Variants in ADSL observed in about 807,000 individuals in gnomAD.
ADSL encodes the protein adenylosuccinate lyase.
In ADSL, 44 loss-of-function variants were observed where a neutral mutation model predicts 62.1. The ratio of observed to expected loss-of-function variants is 0.71; its 90% CI spans 0.56 to 0.91. The LOEUF (loss-of-function observed/expected upper bound fraction) is 0.91. Ranked by LOEUF, ADSL falls within the 40% of genes least tolerant of loss-of-function variation. The pLI is 0.00. For synonymous variants in ADSL, 198 were observed against 220.5 expected, an observed-to-expected ratio of 0.90 and a Z score of 0.90; for missense variants, 531 against 627.4, an observed-to-expected ratio of 0.85 and a Z score of 1.64.
chr22:40,353,779 C>G (rs2044443038), intron 3 of ADSL: 1 of 269,164 alleles, frequency 3.7e-6, no homozygotes, highest in African/African-American at 2.3e-5. Flanking sequence ...GCACCCGCCA[C>G]TACGCCCAGC....
At chr22:40,354,029 A>G in intron 3 of ADSL, 2 of 601,326 alleles carry the variant, frequency 3.3e-6, no homozygotes, top group Admixed American at 5.8e-5. Context: ...TGGTCTTAAA[A>G]TAGTTCATGA....
chr22:40,359,181 A>T, intron 5 of ADSL, 79 bp from the exon 6 acceptor site: 1 of 1,590,126 alleles, frequency 6.3e-7, no homozygotes, highest in South Asian at 1.1e-5. Context: ...AGGGAGCGAG[A>T]CCTGGGTAGG....
chr22:40,346,910 G>C (rs1219857814), intron 1 of ADSL, among the ~76,000 whole-genome samples, 199 bp downstream of exon 1: 1 of 152,228 alleles, frequency 6.6e-6, no homozygotes, highest in Non-Finnish European at 1.5e-5. Context: ...GTTGCCTCAC[G>C]TGTTCTCAGT....
chr22:40,383,960 G>A (rs73167017), intron 2 of ADSL, among the ~76,000 whole-genome samples: 5,695 of 152,238 alleles, frequency 0.037, 174 homozygotes, highest in Non-Finnish European at 0.055. Context: ...GTAAAAGCAG[G>A]AGCCAAGGCC....
intron 3 of ADSL, 158 bp downstream of exon 3, chr22:40,353,275 TCTTCTTCTCCTTTCTTCTTCTCTTC>T: frequency 1.4e-6 from 1 of 713,986 alleles, no homozygotes; most frequent in Non-Finnish European, 2.6e-6. Flanking sequence ...ACTAATTGTT[TCTTCTTCTCCTTTCTTCTTCTCTTC>T]CTCCTTCTCC....
intron 1 of ADSL, 137 bp from the exon 2 acceptor site, chr22:40,349,695 G>C (rs1452723971): frequency 2.5e-6 from 2 of 808,290 alleles, no homozygotes; most frequent in Non-Finnish European, 4.1e-6. Flanking sequence ...TTTCAACTTG[G>C]TTGCCTCAAA....
Position 40,365,066 on chromosome 22 carries a change from C to T in ADSL, c.1368+10C>T, listed in dbSNP as rs1330219053. 3 of 1,610,470 alleles carry T rather than the reference C, an allele frequency of 1.9e-6. No individual in the cohort carries two copies. The highest frequency in any genetic ancestry group is 2.7e-5 in the African/African-American group (2 of 74,832). On this transcript the variant is annotated intron_variant, in intron 12 of 12. Coordinates refer to ENST00000623063, the MANE Select transcript of ADSL (RefSeq NM_000026.4). ...TCGTGCCTCCCAGCAGGTAAGCTTC[C>T]AAGAAGCCTCTTTTCTGCTGGGCTG...
intron 2 of ADSL, among the ~76,000 whole-genome samples, chr22:40,377,568 G>A (rs570643222): frequency 2.1e-4 from 32 of 152,146 alleles, no homozygotes; most frequent in Non-Finnish European, 3.5e-4. Context: ...TGGTGTCGTG[G>A]CTCACGCCTG....
Position 40,349,905 on chromosome 22 carries a change from T to C in ADSL, c.227T>C (p.Met76Thr). 6.2e-7 allele frequency: 1 copy of C among 1,614,190 alleles called. No homozygotes were observed. The highest frequency in any genetic ancestry group is 8.5e-7 in the Non-Finnish European group (1 of 1,180,030). ...KSNLENIDFKMAAEEEKRLRH... is the reference protein window; with the variant it reads ...KSNLENIDFKTAAEEEKRLRH... ...AACCTGGAGAACATCGACTTCAAGA[T>C]GGCAGCTGAGGAAGAGAAACGTTTA... is the stretch of plus-strand genomic sequence containing the variant. The change falls in exon 2 of 13, where the codon ATG becomes ACG. Residue 76 changes from methionine to threonine, a missense_variant. Around this residue, in one of 2 missense-constraint regions of ADSL, gnomAD observed 471 missense variants for 592.9 expected, o/e 0.79. Coordinates refer to ENST00000623063, the MANE Select transcript of ADSL (RefSeq NM_000026.4).
chr22:40,366,033 C>T (rs1038311793), intron 12 of ADSL, among the ~76,000 whole-genome samples: 11 of 151,898 alleles, frequency 7.2e-5, no homozygotes, highest in South Asian at 6.2e-4. Context: ...GCTACTGCAA[C>T]GGGCCAAGCA....
chr22:40,362,442 A>G (rs1401991349), intron 9 of ADSL, among the ~76,000 whole-genome samples: 1 of 152,216 alleles, frequency 6.6e-6, no homozygotes, highest in Non-Finnish European at 1.5e-5. Context: ...AGACCCTAGC[A>G]ACAGTTTGGA....
intron 2 of ADSL, among the ~76,000 whole-genome samples, chr22:40,375,106 A>G (rs1767047181): frequency 6.6e-6 from 1 of 152,316 alleles, no homozygotes; most frequent in South Asian, 2.1e-4. Context: ...ACAGTTAACT[A>G]TTAACTGTCT....
chr22:40,384,120 C>T (rs148834064), intron 2 of ADSL, among the ~76,000 whole-genome samples: 5 of 152,060 alleles, frequency 3.3e-5, no homozygotes, highest in South Asian at 2.1e-4. Context: ...GGCATGCGCC[C>T]GTAGTCCTAG....
At chr22:40,354,454 A>G (rs1329406558) in intron 4 of ADSL, 127 bp downstream of exon 4, 2 of 822,126 alleles carry the variant, frequency 2.4e-6, no homozygotes, top group Non-Finnish European at 4.3e-6. Flanking sequence ...GTAATTTGGG[A>G]TGCTTATAAG....
intron 2 of ADSL, among the ~76,000 whole-genome samples, chr22:40,385,106 A>C (rs556786729): frequency 2.6e-5 from 4 of 152,246 alleles, no homozygotes; most frequent in Admixed American, 2.6e-4. Flanking sequence ...TCAAGAAACC[A>C]AAGTAAGTCA....
At chr22:40,378,779 T>C (rs893151136) in intron 2 of ADSL, among the ~76,000 whole-genome samples, 6 of 152,078 alleles carry the variant, frequency 3.9e-5, no homozygotes, top group African/African-American at 1.4e-4. Flanking sequence ...TTGTACTGAA[T>C]GAACTGTAAA....
chr22:40,364,260 G>GT lies in ADSL; in HGVS notation c.1102-15dup, dbSNP rs1413779867. On this transcript the variant is annotated splice_polypyrimidine_tract_variant and intron_variant, in intron 10 of 12. Coordinates refer to ENST00000623063, the MANE Select transcript of ADSL (RefSeq NM_000026.4). ...GAGGCACCTTTCTTGGTCATTCACCGTATCTTTTCCTATAGGTAATTGAAC... is the reference window on the plus strand; with the variant it reads ...GAGGCACCTTTCTTGGTCATTCACCGTTATCTTTTCCTATAGGTAATTGAAC... The GT allele has an allele frequency of 8.7e-6, 14 of 1,611,326 alleles. No individual in the cohort carries two copies. Among genetic ancestry groups the GT allele is most frequent in the Non-Finnish European group, 1.1e-5 (13 of 1,178,400 alleles).
intron 2 of ADSL, among the ~76,000 whole-genome samples, chr22:40,384,686 G>A (rs996401306): frequency 1.3e-5 from 2 of 152,102 alleles, no homozygotes; most frequent in African/African-American, 4.8e-5. Flanking sequence ...AGGCTAAGGC[G>A]GGAGAATGGG....
At chr22:40,377,713 G>T (rs1262276394) in intron 2 of ADSL, among the ~76,000 whole-genome samples, 1 of 152,072 alleles carries the variant, frequency 6.6e-6, no homozygotes, top group African/African-American at 2.4e-5. Flanking sequence ...GGGCATGGTG[G>T]CATGTGCCTG....
Sources: allele counts gnomAD v4.1 joint callset (sites outside exome capture counted in the v4.1 genomes callset), GRCh38; gene constraint gnomAD v4.1.1; regional missense constraint gnomAD v4.1.1; transcripts MANE v1.5; gene names NCBI Gene and HGNC (gene_info 2026-07-23, HGNC 2026-07-21).